Variants in ANOS1 observed in about 807,000 individuals in gnomAD.
The protein encoded by ANOS1 is anosmin 1.
ANOS1 carries 6 observed loss-of-function variants against 59.0 expected under a neutral mutation model. That is an observed-to-expected ratio of 0.10 (90% CI 0.06 to 0.20). The LOEUF (loss-of-function observed/expected upper bound fraction) is 0.20, where lower values mean the gene tolerates loss of function less well. Ranked by LOEUF, ANOS1 falls within the 10% of genes least tolerant of loss-of-function variation. ANOS1 has a pLI of 1.00. For missense variants in ANOS1, 433 were observed against 542.3 expected (o/e 0.80, Z 2.00); for synonymous variants, 217 against 223.4 (o/e 0.97, Z 0.25).
intron 2 of ANOS1, among the ~76,000 whole-genome samples, chrX:8,679,487 A>C (rs935842666): frequency 6.4e-5 from 7 of 109,933 alleles, no homozygotes; most frequent in African/African-American, 2.3e-4. Flanking sequence ...CACAGAGTCA[A>C]ATGTTTCACA....
intron 9 of ANOS1, among the ~76,000 whole-genome samples, chrX:8,542,295 C>G (rs1316367518): frequency 3.6e-5 from 4 of 111,715 alleles, no homozygotes; most frequent in Non-Finnish European, 7.5e-5. Context: ...GATTTCTGCA[C>G]CTCAACTGCT....
chrX:8,670,516 A>G (rs1932238270), intron 2 of ANOS1, among the ~76,000 whole-genome samples: 1 of 110,609 alleles, frequency 9.0e-6, no homozygotes, highest in Non-Finnish European at 1.9e-5. Context: ...CTCTCCAACC[A>G]CGCTTGTTTA....
chrX:8,705,323 C>T (rs1932774640), intron 1 of ANOS1, among the ~76,000 whole-genome samples: 1 of 111,967 alleles, frequency 8.9e-6, no homozygotes, highest in Non-Finnish European at 1.9e-5. Context: ...TATATGCATG[C>T]ACACACACAG....
Position 8,568,347 on chromosome X carries a change from G to C in ANOS1, c.1092C>G (p.Leu364=). ...GFQNSVILEK[L]QPDCDYVVEL... is the part of the protein sequence containing the mutation. ...CCACAACATAGTCACAGTCTGGCTGGAGTTTCTCCAGGATCACAGAATTTT... is the reference window on the plus strand; with the variant it reads ...CCACAACATAGTCACAGTCTGGCTGCAGTTTCTCCAGGATCACAGAATTTT... The change falls in exon 8 of 14, where the codon CTC becomes CTG. Residue 364 remains leucine (L), a synonymous_variant. Transcript: ENST00000262648. The C allele has an allele frequency of 8.3e-7, 1 of 1,210,262 alleles. No homozygotes were observed. The highest frequency in any genetic ancestry group is 1.1e-6 in the Non-Finnish European group (1 of 894,368).
chrX:8,629,194 T>C (rs1485807470), intron 2 of ANOS1, among the ~76,000 whole-genome samples: 1 of 111,109 alleles, frequency 9.0e-6, no homozygotes, highest in Admixed American at 9.6e-5. Flanking sequence ...GACTGCAGAA[T>C]GCACCACTGC....
chrX:8,673,419 C>T (rs1328370043), intron 2 of ANOS1, among the ~76,000 whole-genome samples: 1 of 108,385 alleles, frequency 9.2e-6, no homozygotes, highest in Admixed American at 1.0e-4. Context: ...GCAGGTTTAC[C>T]AGTGTCTGCT....
intron 9 of ANOS1, among the ~76,000 whole-genome samples, chrX:8,545,403 G>GGAA (rs1430905978): frequency 6.7e-5 from 7 of 104,501 alleles, no homozygotes; most frequent in Admixed American, 2.1e-4. Context: ...AAGGAAGGAA[G>GGAA]GAAGGAAGGC....
chrX:8,572,714 T>A (rs1450349373), intron 6 of ANOS1, among the ~76,000 whole-genome samples: 1 of 111,731 alleles, frequency 9.0e-6, no homozygotes, highest in Admixed American at 9.5e-5. Context: ...ACATCAGGAA[T>A]CTCTGGAATG....
At chrX:8,710,031 C>T (rs1460781155) in intron 1 of ANOS1, among the ~76,000 whole-genome samples, 1 of 111,297 alleles carries the variant, frequency 9.0e-6, no homozygotes, top group Non-Finnish European at 1.9e-5. Flanking sequence ...CCTGGGTTCA[C>T]GCCATTCTCC....
chrX:8,636,294 T>G (rs1275068198), intron 2 of ANOS1, among the ~76,000 whole-genome samples: 1 of 111,902 alleles, frequency 8.9e-6, no homozygotes, highest in Admixed American at 9.5e-5. Context: ...CCTTTCTTCC[T>G]GTGCTAATGA....
chrX:8,623,074 T>TG (rs1569066281), intron 3 of ANOS1, among the ~76,000 whole-genome samples: 1 of 80,725 alleles, frequency 1.2e-5, no homozygotes, highest in Non-Finnish European at 2.6e-5. Flanking sequence ...ATGGATGGCT[T>TG]GCTGGCTGGC....
chrX:8,555,130 C>A (rs1352974317), intron 8 of ANOS1, among the ~76,000 whole-genome samples: 1 of 111,513 alleles, frequency 9.0e-6, no homozygotes, highest in East Asian at 2.8e-4. Context: ...TGAATGACTA[C>A]TGGGTAAATA....
At chrX:8,616,608 C>T (rs892896992) in intron 3 of ANOS1, among the ~76,000 whole-genome samples, 1 of 111,267 alleles carries the variant, frequency 9.0e-6, no homozygotes, top group African/African-American at 3.3e-5. Flanking sequence ...TTTCTCCCCA[C>T]CCCACCCCCA....
At chrX:8,633,182 T>C (rs980335275) in intron 2 of ANOS1, among the ~76,000 whole-genome samples, 2 of 111,501 alleles carry the variant, frequency 1.8e-5, no homozygotes, top group South Asian at 3.8e-4. Context: ...CACAACAGCA[T>C]CAGGCCTGAG....
chrX:8,604,521 TC>T (rs1930903653), intron 3 of ANOS1, among the ~76,000 whole-genome samples: 1 of 112,395 alleles, frequency 8.9e-6, no homozygotes, highest in African/African-American at 3.2e-5. Context: ...CAAATTTCTT[TC>T]TTTTTTTATT....
intron 2 of ANOS1, among the ~76,000 whole-genome samples, chrX:8,685,658 A>AAGAG (rs1278773136): frequency 2.1e-3 from 206 of 97,002 alleles, no homozygotes; most frequent in East Asian, 6.5e-3. Flanking sequence ...GAAAGAAAGA[A>AAGAG]AAAGAAAGGA....
intron 9 of ANOS1, among the ~76,000 whole-genome samples, chrX:8,549,599 C>T (rs1219807843): frequency 8.9e-6 from 1 of 112,276 alleles, no homozygotes; most frequent in African/African-American, 3.2e-5. Context: ...AGGCTCTTTA[C>T]GTCTGTCCTG....
chrX:8,553,969 T>G lies in ANOS1; in HGVS notation c.1337A>C (p.Tyr446Ser). 9 of 1,209,716 alleles carry G rather than the reference T, an allele frequency of 7.4e-6. No individual in the cohort carries two copies. The highest frequency in any genetic ancestry group is 1.0e-5 in the Non-Finnish European group (9 of 893,582). The change falls in exon 9 of 14, where the codon TAC (tyrosine) becomes TCC (serine). Residue 446 changes from tyrosine (Y) to serine (S), a missense_variant. Physicochemically the swap from Tyr to Ser is moderately radical, Grantham distance 144 (BLOSUM62 -2). Transcript: ENST00000262648. ...TTATGTACCTTCTGTCTTCTTCCAG[T>G]AGACTTTAACTTGCAGTTGGCCATC... is the stretch of plus-strand genomic sequence containing the variant. ...YQDGQLQVKV[Y>S]WKKTEDPTVN...
At chrX:8,656,555 G>A (rs73631408) in intron 2 of ANOS1, among the ~76,000 whole-genome samples, 4,091 of 110,854 alleles carry the variant, frequency 0.037, 217 homozygotes, top group African/African-American at 0.13. Flanking sequence ...ATTCATCCTC[G>A]TCTAAGTTGC....
Sources: gnomAD v4.1 joint callset for allele counts (sites outside exome capture counted in the v4.1 genomes callset) on GRCh38, gnomAD v4.1.1 for gene constraint, MANE v1.5 for transcripts, NCBI Gene and HGNC (gene_info 2026-07-23, HGNC 2026-07-21) for gene names.